The following NRXN1 variants were observed in gnomAD, a reference collection of about 807,000 sequenced individuals.
NRXN1 encodes neurexin-1.
NRXN1 carries 39 observed loss-of-function variants against 150.9 expected under a neutral mutation model. The ratio of observed to expected loss-of-function variants is 0.26; its 90% CI spans 0.20 to 0.34. The LOEUF is 0.34. NRXN1 is among the 10% of genes least tolerant of loss of function. The pLI is 1.00. For synonymous variants in NRXN1, 924 were observed against 757.0 expected, an observed-to-expected ratio of 1.22 and a Z score of -3.62; for missense variants, 1,815 against 1,949.9, an observed-to-expected ratio of 0.93 and a Z score of 1.30.
intron 15 of NRXN1, among the ~76,000 whole-genome samples, chr2:50,490,644 A>G (rs2091197993): frequency 6.6e-6 from 1 of 152,198 alleles, no homozygotes; most frequent in South Asian, 2.1e-4. Flanking sequence ...CAAGATTGGA[A>G]GAAGCCAGCA....
intron 5 of NRXN1, among the ~76,000 whole-genome samples, chr2:50,734,312 C>CT (rs1358239664): frequency 1.8e-4 from 27 of 152,230 alleles, no homozygotes; most frequent in African/African-American, 6.5e-4. Context: ...CAGAATGGTG[C>CT]ATGCTAGTAG....
At position 50,475,782 on chromosome 2, in the gene NRXN1, C is replaced by G. The variant is rs555488889; in HGVS notation, c.3071-3311G>C. On this transcript the variant is annotated intron_variant, in intron 15 of 22. Coordinates refer to ENST00000401669, the MANE Select transcript of NRXN1 (RefSeq NM_001330078.2). ...TTGGTGGGTTGCCACATGAAGAGAA[C>G]AAAGAAACTCCTTTAGTGGTCTGAG... Among the ~76,000 whole-genome samples, 22 of 151,864 alleles carry G rather than the reference C, an allele frequency of 1.4e-4. 1 individual carries two copies. In the South Asian group the frequency reaches 3.5e-3, roughly 24 times the overall value.
At chr2:50,006,579 C>A (rs1464561635) in intron 21 of NRXN1, among the ~76,000 whole-genome samples, 1 of 152,164 alleles carries the variant, frequency 6.6e-6, no homozygotes, top group Non-Finnish European at 1.5e-5. Context: ...TGTATGAATT[C>A]TCTCCTTTGA....
intron 5 of NRXN1, among the ~76,000 whole-genome samples, chr2:50,733,854 T>C (rs1204550559): frequency 6.6e-6 from 1 of 152,204 alleles, no homozygotes; most frequent in Non-Finnish European, 1.5e-5. Context: ...AATCTGTACG[T>C]AAAATGTATT....
chr2:50,887,102 A>C (rs1259171531), intron 5 of NRXN1, among the ~76,000 whole-genome samples: 1 of 151,500 alleles, frequency 6.6e-6, no homozygotes, highest in Non-Finnish European at 1.5e-5. Context: ...AAATTATCTC[A>C]GAATGCAAGT....
At chr2:50,083,691 C>T (rs946656038) in intron 19 of NRXN1, among the ~76,000 whole-genome samples, 2 of 152,092 alleles carry the variant, frequency 1.3e-5, no homozygotes, top group African/African-American at 2.4e-5. Context: ...TACAGAGAGC[C>T]GATTGGTCTG....
At chr2:50,149,427 C>A (rs917487439) in intron 18 of NRXN1, among the ~76,000 whole-genome samples, 4 of 151,638 alleles carry the variant, frequency 2.6e-5, no homozygotes, top group Non-Finnish European at 5.9e-5. Context: ...GGTGACAAAT[C>A]AAAATGGATA....
chr2:50,618,171 C>A (rs1449295173), intron 8 of NRXN1, among the ~76,000 whole-genome samples: 1 of 152,128 alleles, frequency 6.6e-6, no homozygotes, highest in Non-Finnish European at 1.5e-5. Flanking sequence ...GAAGTTGGTA[C>A]AGGTGATTGG....
intron 17 of NRXN1, among the ~76,000 whole-genome samples, chr2:50,240,166 A>AGAAT (rs1157213735): frequency 6.6e-6 from 1 of 151,736 alleles, no homozygotes; most frequent in African/African-American, 2.4e-5. Context: ...TGTCTTGTTT[A>AGAAT]GAATGACTTT....
At chr2:50,252,258 CTTT>C (rs143522284) in intron 17 of NRXN1, among the ~76,000 whole-genome samples, 111 of 69,704 alleles carry the variant, frequency 1.6e-3, no homozygotes, top group East Asian at 3.5e-3. Context: ...TTTTTCTTTT[CTTT>C]TTTTTTTTTT....
chr2:50,621,009 C>T, intron 7 of NRXN1: 1 of 511,698 alleles, frequency 2.0e-6, no homozygotes. Context: ...GATGCCCCTA[C>T]AGGTGAGTTG....
chr2:50,927,959 G>C (rs985477568), intron 2 of NRXN1, among the ~76,000 whole-genome samples: 7 of 152,024 alleles, frequency 4.6e-5, no homozygotes, highest in African/African-American at 1.7e-4. Context: ...CACTAAGTAG[G>C]GCATTATAAA....
intron 2 of NRXN1, among the ~76,000 whole-genome samples, chr2:50,981,778 A>G (rs1696856254): frequency 6.6e-6 from 1 of 151,814 alleles, no homozygotes; most frequent in Non-Finnish European, 1.5e-5. Context: ...AGTGACAGGC[A>G]TTTTTGTAAG....
At chr2:49,979,026 C>T (rs1225109583) in intron 21 of NRXN1, among the ~76,000 whole-genome samples, 1 of 152,040 alleles carries the variant, frequency 6.6e-6, no homozygotes, top group African/African-American at 2.4e-5. Flanking sequence ...AGGTCGGGTG[C>T]GGGGGCTCAT....
intron 15 of NRXN1, among the ~76,000 whole-genome samples, chr2:50,494,315 CA>C (rs1476341379): frequency 6.6e-6 from 1 of 152,120 alleles, no homozygotes; most frequent in Non-Finnish European, 1.5e-5. Context: ...CTCACCTACA[CA>C]AACAGGGCAC....
intron 5 of NRXN1, among the ~76,000 whole-genome samples, chr2:50,790,982 C>G (rs1262471733): frequency 6.6e-6 from 1 of 151,888 alleles, no homozygotes; most frequent in East Asian, 1.9e-4. Flanking sequence ...GATGCTCAAC[C>G]TGTACTAGTA....
intron 2 of NRXN1, among the ~76,000 whole-genome samples, chr2:50,957,705 A>C (rs1692491256): frequency 6.6e-6 from 1 of 152,214 alleles, no homozygotes; most frequent in African/African-American, 2.4e-5. Context: ...TTAATCCAGA[A>C]GAGAAAAAGT....
At chr2:50,314,744 A>T (rs2075454711) in intron 17 of NRXN1, among the ~76,000 whole-genome samples, 1 of 152,090 alleles carries the variant, frequency 6.6e-6, no homozygotes, top group African/African-American at 2.4e-5. Flanking sequence ...TTAGGACTGT[A>T]TACTCTCCAT....
intron 5 of NRXN1, among the ~76,000 whole-genome samples, chr2:50,909,476 T>G (rs1684224508): frequency 6.6e-6 from 1 of 152,036 alleles, no homozygotes; most frequent in Non-Finnish European, 1.5e-5. Context: ...TTTTTCTGAT[T>G]GTGGTAGACT....
Sources: gnomAD v4.1 joint callset for allele counts (sites outside exome capture counted in the v4.1 genomes callset) on GRCh38, gnomAD v4.1.1 for gene constraint, MANE v1.5 for transcripts, NCBI Gene and HGNC (gene_info 2026-07-23, HGNC 2026-07-21) for gene names.